Variants in NEGR1 observed in about 807,000 individuals in gnomAD.
NEGR1 encodes neuronal growth regulator 1.
In NEGR1, 10 loss-of-function variants were observed where a neutral mutation model predicts 40.9. The observed-to-expected ratio is 0.24, with a 90% CI of 0.15 to 0.42. NEGR1 has a LOEUF of 0.42. NEGR1 is among the 10% of genes least tolerant of loss of function. The pLI is 1.00. For missense variants in NEGR1, 352 were observed against 438.9 expected (o/e 0.80, Z 1.77); for synonymous variants, 185 against 166.8 (o/e 1.11, Z -0.84).
chr1:72,240,126 A>T (rs998618005), intron 1 of NEGR1, among the ~76,000 whole-genome samples: 4 of 151,896 alleles, frequency 2.6e-5, no homozygotes, highest in African/African-American at 9.7e-5. Context: ...ATTGAGTGGA[A>T]TAATGGTGAC....
intron 1 of NEGR1, among the ~76,000 whole-genome samples, chr1:72,122,971 G>T (rs1177804377): frequency 6.6e-6 from 1 of 151,750 alleles, no homozygotes; most frequent in African/African-American, 2.4e-5. Context: ...TAAATAATGG[G>T]ATATATTGAG....
At chr1:72,216,387 A>G (rs1317790119) in intron 1 of NEGR1, among the ~76,000 whole-genome samples, 2 of 39,430 alleles carry the variant, frequency 5.1e-5, no homozygotes, top group Non-Finnish European at 1.1e-4. Context: ...ATATATACAT[A>G]TATATATATA....
chr1:71,934,093 C>T (rs1645880904), intron 2 of NEGR1, among the ~76,000 whole-genome samples: 1 of 152,076 alleles, frequency 6.6e-6, no homozygotes, highest in Non-Finnish European at 1.5e-5. Flanking sequence ...TCTGGCACCA[C>T]ATTATCACAT....
At chr1:71,513,664 CG>C (rs34622697) in intron 6 of NEGR1, among the ~76,000 whole-genome samples, 2 of 152,134 alleles carry the variant, frequency 1.3e-5, no homozygotes, top group Non-Finnish European at 2.9e-5. Context: ...CTGAGATTCA[CG>C]GAAGTTAGGT....
chr1:71,829,996 A>C (rs1173375169), intron 2 of NEGR1, among the ~76,000 whole-genome samples: 2 of 151,924 alleles, frequency 1.3e-5, no homozygotes, highest in East Asian at 3.9e-4. Context: ...CCTCTGGTCT[A>C]ATCTTCTTTA....
At chr1:71,631,262 T>C (rs1356682179) in intron 4 of NEGR1, among the ~76,000 whole-genome samples, 1 of 151,854 alleles carries the variant, frequency 6.6e-6, no homozygotes, top group Non-Finnish European at 1.5e-5. Flanking sequence ...TCTTTCTTAA[T>C]TACTTAAAAT....
At chr1:71,547,651 G>A (rs2101465104) in intron 6 of NEGR1, among the ~76,000 whole-genome samples, 1 of 151,826 alleles carries the variant, frequency 6.6e-6, no homozygotes, top group Non-Finnish European at 1.5e-5. Flanking sequence ...AGACAGAAGT[G>A]AAGATTTCAT....
intron 1 of NEGR1, among the ~76,000 whole-genome samples, chr1:72,252,170 A>G (rs1655123508): frequency 6.6e-6 from 1 of 150,836 alleles, no homozygotes. Context: ...CAATGGGGCG[A>G]TGTAGCTGGG....
chr1:71,611,090 G>A lies in NEGR1; in HGVS notation c.724C>T (p.Leu242=). 2 of 1,613,844 alleles carry A rather than the reference G, an allele frequency of 1.2e-6. No homozygotes were observed. Among genetic ancestry groups the A allele is most frequent in the Non-Finnish European group, 1.7e-6 (2 of 1,179,820 alleles). The part of the protein sequence containing the change: ...SGTVTPGRSG[L]IRCEGAGVPP... ...ACACCTGCACCTTCACATCTTATCA[G>A]GCCACTGCGTCCGGGGGTCACGGTG... The change falls in exon 5 of 7, where the codon CTG becomes TTG. Residue 242 remains leucine, a synonymous_variant. Transcript: ENST00000357731.
intron 1 of NEGR1, among the ~76,000 whole-genome samples, chr1:72,172,526 TA>T (rs1651999613): frequency 1.3e-5 from 2 of 152,152 alleles, no homozygotes; most frequent in Non-Finnish European, 2.9e-5. Context: ...CACTTCACAA[TA>T]GGTTTAAAAA....
chr1:71,645,515 T>A lies in NEGR1; in HGVS notation c.668-34369A>T, dbSNP rs556435407. ...TCCTGAATAAGGGGATTTTTCTCAT[T>A]CCCACAGCAGAAAAAAAATCTTCTC... On this transcript the variant is annotated intron_variant, in intron 4 of 6. Coordinates refer to ENST00000357731, the MANE Select transcript of NEGR1 (RefSeq NM_173808.3). 7.2e-5 allele frequency among the ~76,000 whole-genome samples: 11 copies of A among 151,946 alleles called. No homozygotes were observed. In the South Asian group the frequency reaches 2.1e-3, roughly 29 times the overall value.
intron 6 of NEGR1, among the ~76,000 whole-genome samples, chr1:71,524,353 TGTGA>T (rs1026271042): frequency 2.0e-5 from 3 of 149,606 alleles, no homozygotes; most frequent in African/African-American, 7.5e-5. Context: ...TGTGTGTGTG[TGTGA>T]TATCAACCAA....
chr1:71,948,482 C>CAT lies in NEGR1; in HGVS notation c.177-13172_177-13171insAT, dbSNP rs1553124137. Among the ~76,000 whole-genome samples, 429 of 146,406 alleles carry CAT rather than the reference C, an allele frequency of 2.9e-3. 1 individual carries two copies. Among genetic ancestry groups the CAT allele is most frequent in the Non-Finnish European group, 3.9e-3 (256 of 66,124 alleles). ...AGGGATATGTGTGCTTCAAAAGGGG[C>CAT]GTGTGTGTGTGTGTGAGAGAGAGAG... On this transcript the variant is annotated intron_variant, in intron 1 of 6. Transcript: ENST00000357731.
intron 6 of NEGR1, among the ~76,000 whole-genome samples, chr1:71,477,767 T>G (rs1442479027): frequency 6.6e-6 from 1 of 152,054 alleles, no homozygotes; most frequent in Non-Finnish European, 1.5e-5. Flanking sequence ...CTTAGTAGAT[T>G]ATTGCTGCTT....
intron 6 of NEGR1, among the ~76,000 whole-genome samples, chr1:71,579,853 C>A (rs1649079222): frequency 6.6e-6 from 1 of 152,080 alleles, no homozygotes; most frequent in Admixed American, 6.6e-5. Flanking sequence ...GCAAAATAAG[C>A]ATCCTCTGAG....
chr1:72,164,186 G>A (rs2100381224), intron 1 of NEGR1, among the ~76,000 whole-genome samples: 1 of 152,104 alleles, frequency 6.6e-6, no homozygotes, highest in Admixed American at 6.6e-5. Context: ...AGTTTACCTT[G>A]TTGTGAACAA....
chr1:71,666,878 T>A (rs1035856738), intron 4 of NEGR1, among the ~76,000 whole-genome samples: 2 of 152,222 alleles, frequency 1.3e-5, no homozygotes, highest in African/African-American at 4.8e-5. Flanking sequence ...GCCATTCTAT[T>A]ATTTTCCAAC....
intron 2 of NEGR1, among the ~76,000 whole-genome samples, chr1:71,880,732 C>T (rs1660562938): frequency 6.6e-6 from 1 of 151,914 alleles, no homozygotes; most frequent in African/African-American, 2.4e-5. Flanking sequence ...CTCTTTCTAC[C>T]CATAAATGCC....
intron 2 of NEGR1, among the ~76,000 whole-genome samples, chr1:71,835,073 C>G (rs1462925868): frequency 6.6e-6 from 1 of 152,096 alleles, no homozygotes; most frequent in Admixed American, 6.6e-5. Flanking sequence ...TTGGCTCACT[C>G]ACATGACTGA....
Sources: gnomAD v4.1 joint callset for allele counts (sites outside exome capture counted in the v4.1 genomes callset) on GRCh38, gnomAD v4.1.1 for gene constraint, MANE v1.5 for transcripts, NCBI Gene and HGNC (gene_info 2026-07-23, HGNC 2026-07-21) for gene names.